Variants in PLEKHS1 observed in about 807,000 individuals in gnomAD.
PLEKHS1 encodes the protein pleckstrin homology domain containing S1.
Under a neutral mutation model 51.0 loss-of-function variants are expected in PLEKHS1, and 55 were observed. The ratio of observed to expected loss-of-function variants is 1.08; its 90% CI spans 0.87 to 1.35. The LOEUF is 1.35. PLEKHS1 is among the 40% of genes most tolerant of loss of function. The probability of loss-of-function intolerance (pLI) is 0.00; values close to 1 mark genes in which losing one functional copy is unlikely to be tolerated. For synonymous variants in PLEKHS1, 153 were observed against 144.8 expected, an observed-to-expected ratio of 1.06 and a Z score of -0.41; for missense variants, 398 against 423.0, an observed-to-expected ratio of 0.94 and a Z score of 0.52.
exon 12 of PLEKHS1, chr10:113,780,770 G>T: frequency 6.4e-7 from 1 of 1,554,098 alleles, no homozygotes. Context: ...GCAGAAAGGA[G>T]CCAGGGAGTA....
At chr10:113,758,539 A>G (rs1593009135) in intron 2 of PLEKHS1, among the ~76,000 whole-genome samples, 1 of 152,334 alleles carries the variant, frequency 6.6e-6, no homozygotes, top group East Asian at 1.9e-4. Flanking sequence ...GCACTGATAG[A>G]GCACAAGTAG....
At chr10:113,753,863 T>C (rs1853969187) in intron 1 of PLEKHS1, among the ~76,000 whole-genome samples, 1 of 151,480 alleles carries the variant, frequency 6.6e-6, no homozygotes, top group Non-Finnish European at 1.5e-5. Flanking sequence ...CAGGCTGGAG[T>C]GCAGTAATGT....
exon 5 of PLEKHS1, chr10:113,767,418 C>G: frequency 6.2e-7 from 1 of 1,612,862 alleles, no homozygotes; most frequent in South Asian, 1.1e-5. Context: ...TAAATGCCAC[C>G]CTGATGAGGT....
chr10:113,771,864 G>A, intron 7 of PLEKHS1, 106 bp from the exon 8 acceptor site: 1 of 1,326,562 alleles, frequency 7.5e-7, no homozygotes, highest in Non-Finnish European at 1.0e-6. Context: ...AAGACCCTCT[G>A]GTCTTTTTTA....
intron 2 of PLEKHS1, among the ~76,000 whole-genome samples, chr10:113,763,427 T>C (rs929642895): frequency 1.3e-5 from 2 of 152,168 alleles, no homozygotes; most frequent in African/African-American, 4.8e-5. Context: ...GTTTAGACCA[T>C]TTACGTTTAA....
At chr10:113,752,267 CATT>C (rs1853876857) in intron 1 of PLEKHS1, among the ~76,000 whole-genome samples, 1 of 152,128 alleles carries the variant, frequency 6.6e-6, no homozygotes, top group East Asian at 1.9e-4. Flanking sequence ...GGCATTGTAT[CATT>C]GTGAAAACAG....
intron 9 of PLEKHS1, 128 bp from the exon 10 acceptor site, chr10:113,774,698 T>C (rs1305401599): frequency 3.9e-6 from 3 of 769,328 alleles, no homozygotes; most frequent in Non-Finnish European, 6.4e-6. Flanking sequence ...GTGATTCTGA[T>C]AGTTGGACAT....
Position 113,771,988 on chromosome 10 carries a change from TC to T in PLEKHS1, c.572del (p.Ser191PhefsTer19). 1.9e-6 allele frequency: 3 copies of T among 1,612,564 alleles called. No homozygotes were observed. Among genetic ancestry groups the T allele is most frequent in the Non-Finnish European group, 1.7e-6 (2 of 1,179,680 alleles). Reference sequence around the variant, plus strand: ...TCTTCAGCATTTAATGGAACAAAGTTCTCCAGGATTTAGGCAAACTCACCTA... The same window carrying T: ...TCTTCAGCATTTAATGGAACAAAGTTTCCAGGATTTAGGCAAACTCACCTA... On this transcript the variant is annotated frameshift_variant, in exon 8 of 12. Coordinates refer to ENST00000361048, the Ensembl canonical transcript of PLEKHS1. LOFTEE classifies it high-confidence loss of function.
intron 9 of PLEKHS1, 23 bp from the exon 10 acceptor site, chr10:113,774,803 T>C (rs1172992593): frequency 6.3e-7 from 1 of 1,597,160 alleles, no homozygotes; most frequent in Admixed American, 1.7e-5. Flanking sequence ...AAATAGGGCT[T>C]GTTTTAACTT....
intron 8 of PLEKHS1, among the ~76,000 whole-genome samples, chr10:113,772,356 G>A (rs918153301): frequency 2.0e-5 from 3 of 152,152 alleles, no homozygotes; most frequent in African/African-American, 7.2e-5. Context: ...AAAAGATCAG[G>A]AAGATTTCAG....
chr10:113,779,671 C>G (rs1844810286), intron 11 of PLEKHS1, among the ~76,000 whole-genome samples: 1 of 152,102 alleles, frequency 6.6e-6, no homozygotes, highest in South Asian at 2.1e-4. Context: ...CCCAAAGATC[C>G]AGGCATTAAT....
intron 2 of PLEKHS1, among the ~76,000 whole-genome samples, chr10:113,762,657 A>C (rs1564818633): frequency 6.6e-6 from 1 of 151,918 alleles, no homozygotes; most frequent in Non-Finnish European, 1.5e-5. Context: ...ATTTGATTTC[A>C]TAGTGCTCTG....
intron 9 of PLEKHS1, 91 bp from the exon 10 acceptor site, chr10:113,774,735 T>C: frequency 1.7e-6 from 2 of 1,158,442 alleles, no homozygotes; most frequent in Admixed American, 1.9e-5. Context: ...AGTCTTCACA[T>C]GGCTGTTAGC....
At chr10:113,775,656 A>ACC in intron 10 of PLEKHS1, 109 bp from the exon 11 acceptor site, 1 of 667,876 alleles carries the variant, frequency 1.5e-6, no homozygotes. Flanking sequence ...AACAACCTTT[A>ACC]CCTGGACAAT....
intron 2 of PLEKHS1, among the ~76,000 whole-genome samples, chr10:113,764,016 A>G (rs1415071346): frequency 1.1e-4 from 16 of 152,168 alleles, no homozygotes. Flanking sequence ...AAGTCTTTAA[A>G]TTGCCTTCAT....
At chr10:113,773,848 G>A (rs1159969942) in intron 8 of PLEKHS1, among the ~76,000 whole-genome samples, 1 of 152,192 alleles carries the variant, frequency 6.6e-6, no homozygotes, top group East Asian at 1.9e-4. Flanking sequence ...CCTGAGACCA[G>A]CTTCACATTG....
At chr10:113,782,683 T>C (rs11196489), downstream of PLEKHS1, 53,887 of 151,950 alleles carry the variant, frequency 0.35, 9,768 homozygotes, top group South Asian at 0.49. Flanking sequence ...ATGCCTGCTC[T>C]GTCTGCCACA....
intron 6 of PLEKHS1, 61 bp from the exon 7 acceptor site, chr10:113,769,723 T>G: frequency 9.8e-7 from 1 of 1,025,630 alleles, no homozygotes; most frequent in Non-Finnish European, 1.5e-6. Flanking sequence ...GTAGAGAGGC[T>G]GCCGTTTCAT....
At chr10:113,777,735 G>A (rs1000145928) in intron 11 of PLEKHS1, 159 of 1,477,862 alleles carry the variant, frequency 1.1e-4, no homozygotes, top group Non-Finnish European at 1.3e-4. Context: ...AACTGACCAT[G>A]GAATGTTATT....
Sources: allele counts gnomAD v4.1 joint callset (sites outside exome capture counted in the v4.1 genomes callset), GRCh38; gene constraint gnomAD v4.1.1; transcripts MANE v1.5; gene names NCBI Gene and HGNC (gene_info 2026-07-23, HGNC 2026-07-21).